The following CNTNAP2 variants were observed in gnomAD, a reference collection of about 807,000 sequenced individuals.
CNTNAP2 encodes contactin associated protein 2, also known as contactin-associated protein-like 2.
In CNTNAP2, 98 loss-of-function variants were observed where a neutral mutation model predicts 155.2. The observed-to-expected ratio is 0.63, with a 90% CI of 0.54 to 0.75. CNTNAP2 has a LOEUF of 0.75. Ranked by LOEUF, CNTNAP2 falls within the 30% of genes least tolerant of loss-of-function variation. CNTNAP2 has a pLI of 0.00. For missense variants in CNTNAP2, 1,727 were observed against 1,688.1 expected, an observed-to-expected ratio of 1.02 and a Z score of -0.40; for synonymous variants, 651 against 631.2, an observed-to-expected ratio of 1.03 and a Z score of -0.47.
intron 8 of CNTNAP2, among the ~76,000 whole-genome samples, chr7:147,163,806 T>C (rs934069274): frequency 2.0e-5 from 3 of 152,218 alleles, no homozygotes; most frequent in African/African-American, 7.2e-5. Context: ...AGTAGATGGC[T>C]CACACCCCCT....
At chr7:146,584,026 G>C (rs1310919534) in intron 1 of CNTNAP2, among the ~76,000 whole-genome samples, 2 of 152,098 alleles carry the variant, frequency 1.3e-5, no homozygotes, top group African/African-American at 4.8e-5. Context: ...GATTTATAAG[G>C]CATCATTAGG....
intron 14 of CNTNAP2, among the ~76,000 whole-genome samples, chr7:147,918,388 T>C (rs1800198650): frequency 6.6e-6 from 1 of 152,240 alleles, no homozygotes; most frequent in South Asian, 2.1e-4. Context: ...TTAGGCTTTG[T>C]AGATGGTTTT....
At chr7:148,378,217 G>A (rs536882170) in intron 21 of CNTNAP2, among the ~76,000 whole-genome samples, 1 of 68,052 alleles carries the variant, frequency 1.5e-5, no homozygotes, top group African/African-American at 3.6e-5. Flanking sequence ...GCACAGTTGC[G>A]GGCCTCTGGC....
At chr7:146,482,513 G>C (rs554899976) in intron 1 of CNTNAP2, among the ~76,000 whole-genome samples, 1 of 152,098 alleles carries the variant, frequency 6.6e-6, no homozygotes, top group South Asian at 2.1e-4. Flanking sequence ...GGGAGGCCGA[G>C]GCTGGCGGAT....
intron 9 of CNTNAP2, among the ~76,000 whole-genome samples, chr7:147,373,379 A>T (rs1479845): frequency 0.39 from 59,444 of 151,828 alleles, 12,552 homozygotes; most frequent in East Asian, 0.68. Flanking sequence ...GTAGTTTTAA[A>T]TTTTTTAAAC....
chr7:147,469,621 C>T (rs1347118526), intron 10 of CNTNAP2, among the ~76,000 whole-genome samples: 1 of 150,334 alleles, frequency 6.7e-6, no homozygotes, highest in Non-Finnish European at 1.5e-5. Context: ...CGGGTTCAAG[C>T]GATTCTCCTG....
Position 146,355,920 on chromosome 7 carries a change from G to A in CNTNAP2, c.97+238947G>A, listed in dbSNP as rs1213741059. 2.6e-5 allele frequency among the ~76,000 whole-genome samples: 4 copies of A among 152,128 alleles called. No homozygotes were observed. In the East Asian group the frequency reaches 7.8e-4, roughly 30 times the overall value. ...ATTGATCTCATCTTTGCACACTGTA[G>A]TGATAAGGGGTATGCATATTCTTAC... On this transcript the variant is annotated intron_variant, in intron 1 of 23. Transcript: ENST00000361727.
intron 1 of CNTNAP2, among the ~76,000 whole-genome samples, chr7:146,404,836 C>T (rs1795767954): frequency 6.6e-6 from 1 of 152,118 alleles, no homozygotes; most frequent in Non-Finnish European, 1.5e-5. Context: ...TTTTATTCAT[C>T]CTTCACATGT....
chr7:147,718,295 G>T (rs1033521341), intron 13 of CNTNAP2, among the ~76,000 whole-genome samples: 4 of 152,016 alleles, frequency 2.6e-5, no homozygotes, highest in Non-Finnish European at 5.9e-5. Context: ...TCATTTGTAT[G>T]AGCACGTACT....
chr7:147,502,678 G>A (rs1027417484), intron 11 of CNTNAP2, among the ~76,000 whole-genome samples: 2 of 151,804 alleles, frequency 1.3e-5, no homozygotes, highest in African/African-American at 2.4e-5. Flanking sequence ...CTGAGTTGAT[G>A]GGTGTGTTAA....
intron 14 of CNTNAP2, among the ~76,000 whole-genome samples, chr7:147,962,864 T>C (rs993001088): frequency 1.3e-5 from 2 of 152,128 alleles, no homozygotes; most frequent in African/African-American, 2.4e-5. Context: ...CAGTTTAACA[T>C]CAGAGTCCCT....
intron 18 of CNTNAP2, among the ~76,000 whole-genome samples, chr7:148,191,921 G>A (rs1795207041): frequency 1.3e-5 from 2 of 152,128 alleles, no homozygotes; most frequent in Non-Finnish European, 2.9e-5. Flanking sequence ...CAGAAAACAA[G>A]GCAAATGAAG....
chr7:146,911,337 C>T (rs1796271353), intron 3 of CNTNAP2, among the ~76,000 whole-genome samples: 1 of 152,192 alleles, frequency 6.6e-6, no homozygotes, highest in South Asian at 2.1e-4. Context: ...AATCATGCTG[C>T]TATAAAGACA....
At chr7:146,319,085 A>G (rs1338755172) in intron 1 of CNTNAP2, among the ~76,000 whole-genome samples, 42 of 152,054 alleles carry the variant, frequency 2.8e-4, no homozygotes, top group Admixed American at 2.4e-3. Flanking sequence ...CTGGCTCTAG[A>G]GGTGTTGGTC....
chr7:147,748,899 A>G (rs1464515271), intron 13 of CNTNAP2, among the ~76,000 whole-genome samples: 3 of 152,202 alleles, frequency 2.0e-5, no homozygotes, highest in Non-Finnish European at 4.4e-5. Flanking sequence ...GACCAGAGGA[A>G]ACATTTCCTA....
chr7:147,057,109 C>CAA (rs1799577084), intron 4 of CNTNAP2, among the ~76,000 whole-genome samples: 1 of 151,990 alleles, frequency 6.6e-6, no homozygotes, highest in Non-Finnish European at 1.5e-5. Context: ...CAAGATGATC[C>CAA]TTTTCAACAG....
chr7:148,413,725 C>T (rs1466703561), intron 23 of CNTNAP2, among the ~76,000 whole-genome samples: 3 of 151,732 alleles, frequency 2.0e-5, no homozygotes, highest in Non-Finnish European at 2.9e-5. Flanking sequence ...CAGTTCTGCC[C>T]GTTTTTGCTT....
intron 13 of CNTNAP2, among the ~76,000 whole-genome samples, chr7:147,869,626 A>T (rs757872982): frequency 6.6e-6 from 1 of 152,230 alleles, no homozygotes; most frequent in Non-Finnish European, 1.5e-5. Context: ...TAAGGAAGGG[A>T]AGTGAAAAAA....
chr7:148,266,627 T>C (rs1487126521), intron 20 of CNTNAP2, among the ~76,000 whole-genome samples: 3 of 152,078 alleles, frequency 2.0e-5, no homozygotes, highest in African/African-American at 7.2e-5. Flanking sequence ...TGTGTGTGTG[T>C]GTGATCATGT....
Sources: gnomAD v4.1 joint callset for allele counts (sites outside exome capture counted in the v4.1 genomes callset) on GRCh38, gnomAD v4.1.1 for gene constraint, MANE v1.5 for transcripts, NCBI Gene and HGNC (gene_info 2026-07-23, HGNC 2026-07-21) for gene names.